The following PCDHA9 variants were observed in gnomAD, a reference collection of about 807,000 sequenced individuals.
PCDHA9 encodes protocadherin alpha 9.
PCDHA9 carries 62 observed loss-of-function variants against 62.0 expected under a neutral mutation model. That is an observed-to-expected ratio of 1.00 (90% CI 0.81 to 1.23). PCDHA9 has a LOEUF of 1.23. Among genes scored for constraint, PCDHA9 ranks in the 50% most tolerant of loss-of-function variants. PCDHA9 has a pLI of 0.00. For missense variants in PCDHA9, 1,205 were observed against 1,249.8 expected (o/e 0.96, Z 0.54); for synonymous variants, 557 against 567.6 (o/e 0.98, Z 0.27).
intron 1 of PCDHA9, among the ~76,000 whole-genome samples, chr5:140,924,027 G>T (rs1458552046): frequency 1.3e-5 from 2 of 152,194 alleles, no homozygotes; most frequent in Non-Finnish European, 2.9e-5. Context: ...TTGGAGGCAT[G>T]GCTGCAGACC....
intron 1 of PCDHA9, among the ~76,000 whole-genome samples, chr5:140,923,066 C>G (rs1050883797): frequency 6.6e-6 from 1 of 152,198 alleles, no homozygotes; most frequent in African/African-American, 2.4e-5. Flanking sequence ...AGAGCTAGGT[C>G]TCCTCATGTC....
At chr5:140,972,453 G>A (rs2096536665) in intron 1 of PCDHA9, among the ~76,000 whole-genome samples, 3 of 151,360 alleles carry the variant, frequency 2.0e-5, no homozygotes, top group South Asian at 2.1e-4. Context: ...TTTTTCTCTT[G>A]TTGCTTATTA....
intron 1 of PCDHA9, chr5:140,883,811 G>A: frequency 6.2e-7 from 1 of 1,612,586 alleles, no homozygotes; most frequent in African/African-American, 1.3e-5. Context: ...CGCGGAGAGC[G>A]GCAAGGTGTA....
intron 3 of PCDHA9, among the ~76,000 whole-genome samples, chr5:140,991,017 C>G (rs1440489095): frequency 6.6e-6 from 1 of 152,178 alleles, no homozygotes; most frequent in Non-Finnish European, 1.5e-5. Context: ...GTGATAAGCA[C>G]TTTACATATG....
Position 140,858,656 on chromosome 5 carries a change from T to A in PCDHA9, c.2394+7767T>A, listed in dbSNP as rs1562540116. 9 of 783,778 alleles carry A rather than the reference T, an allele frequency of 1.1e-5. 2 individuals are homozygous for A. The highest frequency in any genetic ancestry group is 1.6e-5 in the Non-Finnish European group (8 of 509,472). 48.6% of individuals were successfully genotyped at this position (783,778 alleles called of 1,614,324 possible). A position where few individuals can be genotyped will look rare whatever the true frequency, so the allele number is the denominator to read the frequency against. On this transcript the variant is annotated intron_variant, in intron 1 of 3. Transcript: ENST00000532602. ...CCTTTGATTGGTACTTAAATTTTTTTAAATAACAATTTATTCTGAATACAC... is the reference window on the plus strand; with the variant it reads ...CCTTTGATTGGTACTTAAATTTTTTAAAATAACAATTTATTCTGAATACAC...
intron 1 of PCDHA9, among the ~76,000 whole-genome samples, chr5:140,904,628 A>G (rs2071277621): frequency 6.6e-6 from 1 of 152,002 alleles, no homozygotes; most frequent in African/African-American, 2.4e-5. Context: ...TTAGTTCTTT[A>G]AGGAATCTCC....
intron 1 of PCDHA9, among the ~76,000 whole-genome samples, chr5:140,881,772 C>A (rs1253242879): frequency 6.6e-6 from 1 of 152,200 alleles, no homozygotes; most frequent in Admixed American, 6.5e-5. Context: ...CATGACTATG[C>A]AGAACTACCG....
At chr5:140,855,952 A>AT in intron 1 of PCDHA9, 1 of 1,380,786 alleles carries the variant, frequency 7.2e-7, no homozygotes, top group South Asian at 1.4e-5. Flanking sequence ...AGCCATTTCG[A>AT]TAAAAAATAG....
intron 1 of PCDHA9, among the ~76,000 whole-genome samples, chr5:140,971,595 A>G (rs1228003229): frequency 6.6e-6 from 1 of 152,110 alleles, no homozygotes; most frequent in African/African-American, 2.4e-5. Flanking sequence ...CCTAGTTACT[A>G]CAGATGGCAG....
At chr5:140,870,849 G>A (rs2052464243) in intron 1 of PCDHA9, 2 of 1,613,878 alleles carry the variant, frequency 1.2e-6, no homozygotes, top group Non-Finnish European at 1.7e-6. Context: ...TAGTACCGCG[G>A]TCGGTGGGTG....
intron 1 of PCDHA9, among the ~76,000 whole-genome samples, chr5:140,925,206 G>A (rs576558414): frequency 1.3e-5 from 2 of 152,234 alleles, no homozygotes; most frequent in South Asian, 2.1e-4. Context: ...AATAATTATC[G>A]ATACTTTTAG....
At chr5:140,902,933 T>C (rs898632295) in intron 1 of PCDHA9, among the ~76,000 whole-genome samples, 56 of 152,346 alleles carry the variant, frequency 3.7e-4, no homozygotes, top group African/African-American at 1.2e-3. Flanking sequence ...GGTGTATATA[T>C]ACCACATTTT....
Position 140,876,879 on chromosome 5 carries a change from G to C in PCDHA9, c.2394+25990G>C, listed in dbSNP as rs782299548. On this transcript the variant is annotated intron_variant, in intron 1 of 3. Coordinates refer to ENST00000532602, the MANE Select transcript of PCDHA9 (RefSeq NM_031857.2). Reference sequence around the variant, plus strand: ...CAGTGTTCGTGAAGGAGAACAACCCGCCGGGCTGCCACATCTTCACGGTGT... The same window carrying C: ...CAGTGTTCGTGAAGGAGAACAACCCCCCGGGCTGCCACATCTTCACGGTGT... The C allele has an allele frequency of 1.6e-5, 26 of 1,614,032 alleles. 1 individual carries two copies. The highest frequency in any genetic ancestry group is 2.2e-5 in the Non-Finnish European group (26 of 1,180,008).
chr5:140,981,787 T>C (rs2096951436), intron 2 of PCDHA9, among the ~76,000 whole-genome samples: 1 of 152,116 alleles, frequency 6.6e-6, no homozygotes, highest in Non-Finnish European at 1.5e-5. Flanking sequence ...CCATGTTCTC[T>C]TTTCCCTTGA....
chr5:140,855,663 AC>A (rs1363800553), intron 1 of PCDHA9, among the ~76,000 whole-genome samples: 7 of 149,864 alleles, frequency 4.7e-5, no homozygotes, highest in Non-Finnish European at 1.0e-4. Flanking sequence ...GGAAGAAATC[AC>A]TACTCTGAGA....
chr5:140,911,378 C>T lies in PCDHA9; in HGVS notation c.2394+60489C>T, dbSNP rs184939316. On this transcript the variant is annotated intron_variant, in intron 1 of 3. Transcript: ENST00000532602. ...ACAGTAGACACCTGGCAAGGCTGTG[C>T]ATGCACCTTTCATTGCAGGTCAGCC... Among the ~76,000 whole-genome samples the T allele has an allele frequency of 8.0e-3, 1,215 of 152,282 alleles. 6 individuals carry two copies. The highest frequency in any genetic ancestry group is 0.019 in the African/African-American group (783 of 41,542).
chr5:140,974,057 G>A (rs1302269611), intron 1 of PCDHA9, among the ~76,000 whole-genome samples: 1 of 152,154 alleles, frequency 6.6e-6, no homozygotes, highest in Non-Finnish European at 1.5e-5. Flanking sequence ...ATAATATTTG[G>A]AGCAGTATAA....
chr5:140,854,000 CA>C (rs112540154), intron 1 of PCDHA9: 19,868 of 339,900 alleles, frequency 0.058, 122 homozygotes, highest in Non-Finnish European at 0.062. Context: ...TCATCTCTGC[CA>C]AAAAAAAAAA....
chr5:140,929,232 G>A lies in PCDHA9; in HGVS notation c.2395-49717G>A, dbSNP rs782109734. On this transcript the variant is annotated intron_variant, in intron 1 of 3. Coordinates refer to ENST00000532602, the MANE Select transcript of PCDHA9 (RefSeq NM_031857.2). ...GTGGGGAGTACAATGCTGCCGACCTGCGAAATCTTGCCACTGGGGTAGGAC... is the reference window on the plus strand; with the variant it reads ...GTGGGGAGTACAATGCTGCCGACCTACGAAATCTTGCCACTGGGGTAGGAC... 2.5e-6 allele frequency: 4 copies of A among 1,613,756 alleles called. No individual in the cohort carries two copies. In the Admixed American group the frequency reaches 5.0e-5, roughly 20 times the overall value.
Sources: allele counts gnomAD v4.1 joint callset (sites outside exome capture counted in the v4.1 genomes callset), GRCh38; gene constraint gnomAD v4.1.1; transcripts MANE v1.5; gene names NCBI Gene and HGNC (gene_info 2026-07-23, HGNC 2026-07-21).